DAB1: variants seen among roughly 807,000 people sequenced by gnomAD.
DAB1 encodes the protein disabled homolog 1.
In DAB1, 15 loss-of-function variants were observed where a neutral mutation model predicts 64.6. That is an observed-to-expected ratio of 0.23 (90% CI 0.16 to 0.36). DAB1 has a LOEUF of 0.36. DAB1 is among the 10% of genes least tolerant of loss of function. The probability of loss-of-function intolerance (pLI) is 1.00; values close to 1 mark genes in which losing one functional copy is unlikely to be tolerated. For synonymous variants in DAB1, 235 were observed against 251.9 expected (o/e 0.93, Z 0.64); for missense variants, 596 against 706.7 (o/e 0.84, Z 1.78).
intron 4 of DAB1, among the ~76,000 whole-genome samples, chr1:58,314,314 C>A (rs986357290): frequency 2.0e-5 from 3 of 152,156 alleles, no homozygotes; most frequent in Non-Finnish European, 4.4e-5. Flanking sequence ...AAGCCTGATC[C>A]TGTTCTATGG....
At chr1:57,567,316 C>T (rs1490717785) in intron 7 of DAB1, among the ~76,000 whole-genome samples, 20 of 152,154 alleles carry the variant, frequency 1.3e-4, no homozygotes, top group Admixed American at 3.9e-4. Flanking sequence ...CCATAGCCAA[C>T]ATCATACTGA....
intron 3 of DAB1, among the ~76,000 whole-genome samples, chr1:58,494,889 T>C (rs1466605738): frequency 6.6e-6 from 1 of 152,140 alleles, no homozygotes; most frequent in African/African-American, 2.4e-5. Context: ...GAACTAGAAA[T>C]ACCATTTGAC....
intron 3 of DAB1, among the ~76,000 whole-genome samples, chr1:58,485,228 TAAAAAAAAAAA>T (rs71043289): frequency 7.1e-5 from 3 of 42,034 alleles, no homozygotes; most frequent in South Asian, 1.3e-3. Context: ...AGTCTACTAC[TAAAAAAAAAAA>T]AAAAAAAAAA....
chr1:58,339,858 TA>T (rs1569660162), intron 4 of DAB1, among the ~76,000 whole-genome samples: 1 of 152,326 alleles, frequency 6.6e-6, no homozygotes, highest in East Asian at 1.9e-4. Context: ...AATTAATATT[TA>T]AAAATTTAAA....
chr1:57,221,669 C>T (rs1338652365), intron 2 of DAB1, among the ~76,000 whole-genome samples: 3 of 152,166 alleles, frequency 2.0e-5, no homozygotes, highest in Non-Finnish European at 2.9e-5. Context: ...CATGAGGATA[C>T]TCAGTCTGTA....
At chr1:58,036,002 T>C (rs528622618) in intron 5 of DAB1, among the ~76,000 whole-genome samples, 1 of 152,282 alleles carries the variant, frequency 6.6e-6, no homozygotes, top group South Asian at 2.1e-4. Flanking sequence ...TTGATTTAAT[T>C]GGTTGTCTCC....
At chr1:57,385,792 C>T (rs1240805873) in intron 1 of DAB1, among the ~76,000 whole-genome samples, 23 of 152,132 alleles carry the variant, frequency 1.5e-4, no homozygotes, top group Admixed American at 1.5e-3. Flanking sequence ...TAAAATGTCC[C>T]CAGAATGGCA....
intron 3 of DAB1, among the ~76,000 whole-genome samples, chr1:58,407,416 G>A (rs145974598): frequency 2.0e-5 from 3 of 152,200 alleles, no homozygotes; most frequent in African/African-American, 4.8e-5. Context: ...TGTTAGCATG[G>A]ATGGATATTT....
At chr1:57,071,340 A>G in intron 6 of DAB1, 182 bp downstream of exon 6, 1 of 735,542 alleles carries the variant, frequency 1.4e-6, no homozygotes, top group Non-Finnish European at 2.2e-6. Context: ...TAACATGTCT[A>G]GAGTTTAAGA....
rs1553157905 is a variant in DAB1, at chr1:58,074,568, A to ATATATATATG, written n.387+75942_387+75943insCATATATATA. 40 of 31,114 alleles carry ATATATATATG rather than the reference A, an allele frequency of 1.3e-3. 1 individual carries two copies. Among genetic ancestry groups the ATATATATATG allele is most frequent in the African/African-American group, 3.0e-3 (39 of 12,924 alleles). 1.9% of individuals were successfully genotyped at this position (31,114 alleles called of 1,614,324 possible). A position where few individuals can be genotyped will look rare whatever the true frequency, so the allele number is the denominator to read the frequency against. On this transcript the variant is annotated intron_variant and non_coding_transcript_variant, in intron 5 of 20. Coordinates refer to the DAB1 transcript ENST00000485760. ...TACACACATATATATATGTGTGTAT[A>ATATATATATG]TATATATATATATATATATATATAT... is the stretch of plus-strand genomic sequence containing the variant.
chr1:57,759,392 T>C (rs571072210), intron 6 of DAB1, among the ~76,000 whole-genome samples: 80 of 152,298 alleles, frequency 5.3e-4, no homozygotes, highest in African/African-American at 1.8e-3. Flanking sequence ...TAAGTCAGTA[T>C]GTGTAAAGAG....
intron 2 of DAB1, among the ~76,000 whole-genome samples, chr1:57,197,562 C>A (rs966303176): frequency 6.6e-6 from 1 of 152,210 alleles, no homozygotes; most frequent in African/African-American, 2.4e-5. Context: ...GAAACCGAAG[C>A]TTTGAAATAT....
chr1:57,410,014 G>A (rs970187834), intron 1 of DAB1, among the ~76,000 whole-genome samples: 1 of 152,030 alleles, frequency 6.6e-6, no homozygotes, highest in Non-Finnish European at 1.5e-5. Context: ...GTGTAAAATC[G>A]CACTACAAAC....
intron 3 of DAB1, among the ~76,000 whole-genome samples, chr1:58,460,961 G>T (rs1054016961): frequency 2.6e-5 from 4 of 152,152 alleles, no homozygotes; most frequent in Non-Finnish European, 4.4e-5. Flanking sequence ...TTTTATGGTT[G>T]ATTAGGGATG....
At chr1:58,057,006 C>A (rs183984626) in intron 5 of DAB1, among the ~76,000 whole-genome samples, 106 of 151,712 alleles carry the variant, frequency 7.0e-4, no homozygotes, top group Non-Finnish European at 1.3e-4. Context: ...CTTTATTAAA[C>A]CCTCTTTGAA....
At chr1:57,027,295 A>G (rs1351728128) in intron 9 of DAB1, among the ~76,000 whole-genome samples, 1 of 152,124 alleles carries the variant, frequency 6.6e-6, no homozygotes, top group Non-Finnish European at 1.5e-5. Context: ...ACAAGGAATA[A>G]TTGTTCTGAG....
intron 4 of DAB1, among the ~76,000 whole-genome samples, chr1:57,117,360 AACTAC>A (rs1463714107): frequency 1.3e-5 from 2 of 152,212 alleles, no homozygotes; most frequent in Non-Finnish European, 2.9e-5. Flanking sequence ...GGAGCCGCAT[AACTAC>A]TCTGCGAAGC....
intron 1 of DAB1, among the ~76,000 whole-genome samples, chr1:57,311,591 G>A (rs187732328): frequency 1.0e-3 from 152 of 152,172 alleles, no homozygotes; most frequent in Middle Eastern, 3.4e-3. Flanking sequence ...ATTCAGTTAT[G>A]TTAGGGAGCA....
chr1:57,586,989 A>G (rs917423311), intron 7 of DAB1, among the ~76,000 whole-genome samples: 2 of 152,176 alleles, frequency 1.3e-5, no homozygotes, highest in African/African-American at 4.8e-5. Flanking sequence ...ATTCCTCATC[A>G]ATGCTAACTT....
Sources: gnomAD v4.1 joint callset for allele counts (sites outside exome capture counted in the v4.1 genomes callset) on GRCh38, gnomAD v4.1.1 for gene constraint, MANE v1.5 for transcripts, NCBI Gene and HGNC (gene_info 2026-07-23, HGNC 2026-07-21) for gene names.